TMEM248: variants seen among roughly 807,000 people sequenced by gnomAD.
TMEM248 encodes transmembrane protein 248.
In TMEM248, 9 loss-of-function variants were observed where a neutral mutation model predicts 30.3. That is an observed-to-expected ratio of 0.30 (90% CI 0.18 to 0.52). The LOEUF is 0.52. Ranked by LOEUF, TMEM248 falls within the 20% of genes least tolerant of loss-of-function variation. The pLI, the probability that TMEM248 is intolerant of heterozygous loss-of-function variation, is 0.97. For synonymous variants in TMEM248, 184 were observed against 154.4 expected (o/e 1.19, Z -1.42); for missense variants, 338 against 403.3 (o/e 0.84, Z 1.39).
Position 66,955,726 on chromosome 7 carries a change from G to A in TMEM248, c.*204G>A. 1.6e-6 allele frequency: 1 copy of A among 637,448 alleles called. No homozygotes were observed. Among genetic ancestry groups the A allele is most frequent in the Non-Finnish European group, 2.6e-6 (1 of 386,592 alleles). The allele number at this position is 637,448 out of a possible 1,614,324, so 39.5% of individuals were successfully genotyped here. ...ATTGGTCCAATAATGCACGTGCTTT[G>A]CCCTGGGTACAGCCAGAGCCCTTCA... On this transcript the variant is annotated 3_prime_UTR_variant, in exon 7 of 7. Coordinates refer to ENST00000341567, the MANE Select transcript of TMEM248 (RefSeq NM_017994.5).
chr7:66,929,454 T>TG (rs397890102), intron 1 of TMEM248, among the ~76,000 whole-genome samples: 58 of 140,250 alleles, frequency 4.1e-4, no homozygotes, highest in Admixed American at 1.4e-3. Context: ...TTTTTTTTTT[T>TG]GATACAGACT....
intron 1 of TMEM248, among the ~76,000 whole-genome samples, chr7:66,929,737 A>G (rs1791618789): frequency 6.6e-6 from 1 of 152,062 alleles, no homozygotes; most frequent in African/African-American, 2.4e-5. Flanking sequence ...TCAGACAACA[A>G]TTTAATTTGG....
Position 66,932,659 on chromosome 7 carries a change from C to T in TMEM248, c.-18-9189C>T, listed in dbSNP as rs1791698366. On this transcript the variant is annotated intron_variant, in intron 1 of 6. Transcript: ENST00000341567. The stretch of plus-strand genomic sequence containing the variant: ...GCCTCCCAATAGCTGGGATTACAGG[C>T]GCACGCTGCCACTCCCGGCTAATTT... Among the ~76,000 whole-genome samples, 5 of 147,564 alleles carry T rather than the reference C, an allele frequency of 3.4e-5. No homozygotes were observed. In the South Asian group the frequency reaches 6.4e-4, roughly 19 times the overall value.
chr7:66,941,120 C>T (rs531106706), intron 1 of TMEM248, among the ~76,000 whole-genome samples: 110 of 152,240 alleles, frequency 7.2e-4, no homozygotes, highest in Middle Eastern at 3.4e-3. Flanking sequence ...CGGTGGCTCA[C>T]GCCTGTAATC....
chr7:66,934,490 T>C (rs1317255994), intron 1 of TMEM248, among the ~76,000 whole-genome samples: 1 of 152,140 alleles, frequency 6.6e-6, no homozygotes, highest in African/African-American at 2.4e-5. Flanking sequence ...CGTGAACCAC[T>C]GCGCCCGGTC....
At chr7:66,950,608 C>T (rs1415895684) in intron 4 of TMEM248, among the ~76,000 whole-genome samples, 1 of 152,102 alleles carries the variant, frequency 6.6e-6, no homozygotes. Context: ...GACTAATATA[C>T]TAAGAGTTTA....
intron 1 of TMEM248, among the ~76,000 whole-genome samples, chr7:66,929,030 G>A (rs1791596552): frequency 6.6e-6 from 1 of 152,018 alleles, no homozygotes; most frequent in African/African-American, 2.4e-5. Context: ...TCAAGTGATC[G>A]GCTGGCCTCA....
chr7:66,956,119 T>G lies in TMEM248; in HGVS notation c.*597T>G, dbSNP rs1792397882. ...TTTTTTTGTTTTTTGTTTTCCTTTA[T>G]GAAGAAAAAATAAAATAGTCACATT... On this transcript the variant is annotated 3_prime_UTR_variant, in exon 7 of 7. Transcript: ENST00000341567. 1.3e-5 allele frequency: 2 copies of G among 152,616 alleles called. No homozygotes were observed. Among genetic ancestry groups the G allele is most frequent in the African/African-American group, 4.8e-5 (2 of 41,458 alleles). The allele number at this position is 152,616 out of a possible 1,614,324, so 9.5% of individuals were successfully genotyped here.
intron 1 of TMEM248, among the ~76,000 whole-genome samples, chr7:66,923,958 G>C (rs570530305): frequency 2.6e-5 from 4 of 152,202 alleles, no homozygotes; most frequent in African/African-American, 9.6e-5. Context: ...GAGCCACCAG[G>C]CCTGGCCTTT....
intron 1 of TMEM248, among the ~76,000 whole-genome samples, chr7:66,941,226 C>G (rs1791940523): frequency 6.6e-6 from 1 of 151,966 alleles, no homozygotes; most frequent in Non-Finnish European, 1.5e-5. Flanking sequence ...ACTAAAAATA[C>G]AAAAATTAGC....
intron 4 of TMEM248, among the ~76,000 whole-genome samples, chr7:66,949,648 A>T (rs1032589997): frequency 6.6e-4 from 101 of 152,324 alleles, no homozygotes; most frequent in African/African-American, 2.3e-3. Context: ...ATCATTTCCC[A>T]TTAAACAGTT....
chr7:66,926,216 C>T (rs112192147), intron 1 of TMEM248, among the ~76,000 whole-genome samples: 19 of 152,020 alleles, frequency 1.2e-4, no homozygotes, highest in Non-Finnish European at 2.5e-4. Context: ...TTTTTTAATC[C>T]CTAGGGATTT....
At chr7:66,924,832 C>T (rs549651409) in intron 1 of TMEM248, among the ~76,000 whole-genome samples, 31 of 152,140 alleles carry the variant, frequency 2.0e-4, no homozygotes, top group African/African-American at 6.3e-4. Context: ...GGCTCAGCCT[C>T]CCGTGTAGCT....
At chr7:66,925,703 T>TTTTTTG (rs1235772940) in intron 1 of TMEM248, among the ~76,000 whole-genome samples, 75 of 151,770 alleles carry the variant, frequency 4.9e-4, no homozygotes, top group African/African-American at 1.7e-3. Flanking sequence ...TCTTTTTTTT[T>TTTTTTG]TTTTTGGAGA....
In TMEM248 at chr7:66,950,463, T is replaced by G. The variant is rs1056775147; in HGVS notation, c.597-489T>G. ...TGCTGCCGCCATGTGAAGAAGGATG[T>G]GTTTGCTTCCACTTCCGCCATGCTT... On this transcript the variant is annotated intron_variant, in intron 4 of 6. Transcript: ENST00000341567. Among the ~76,000 whole-genome samples, 5 of 152,316 alleles carry G rather than the reference T, an allele frequency of 3.3e-5. No individual in the cohort carries two copies. In the East Asian group the frequency reaches 9.6e-4, roughly 29 times the overall value.
intron 1 of TMEM248, among the ~76,000 whole-genome samples, chr7:66,929,087 C>T (rs1437216496): frequency 6.6e-6 from 1 of 152,168 alleles, no homozygotes; most frequent in Non-Finnish European, 1.5e-5. Flanking sequence ...TGTGCCCTGC[C>T]AGATTGACTT....
rs1792421166 is a variant in TMEM248, at chr7:66,956,975, C to T, written c.*1453C>T. On this transcript the variant is annotated 3_prime_UTR_variant, in exon 7 of 7. Coordinates refer to ENST00000341567, the MANE Select transcript of TMEM248 (RefSeq NM_017994.5). ...CAGGCGTCAGCCACTGCTCTCGGCC[C>T]TCTTACACCATTTTGTTTGATTGTC... is the stretch of plus-strand genomic sequence containing the variant. 6.6e-6 allele frequency: 1 copy of T among 152,620 alleles called. No individual in the cohort carries two copies. Among genetic ancestry groups the T allele is most frequent in the African/African-American group, 2.4e-5 (1 of 41,464 alleles). 9.5% of individuals were successfully genotyped at this position (152,620 alleles called of 1,614,324 possible).
chr7:66,955,382 T>G (rs1792374983), intron 6 of TMEM248, 120 bp from the exon 7 acceptor site: 1 of 1,163,810 alleles, frequency 8.6e-7, no homozygotes, highest in Non-Finnish European at 1.2e-6. Flanking sequence ...TTTTAGGGAT[T>G]TAGTAACTTC....
chr7:66,951,178 A>G, intron 5 of TMEM248, 43 bp downstream of exon 5: 1 of 1,515,448 alleles, frequency 6.6e-7, no homozygotes, highest in Non-Finnish European at 8.9e-7. Flanking sequence ...GTGCATGCAT[A>G]TGCACATGTG....
Sources: allele counts gnomAD v4.1 joint callset (sites outside exome capture counted in the v4.1 genomes callset), GRCh38; gene constraint gnomAD v4.1.1; transcripts MANE v1.5; gene names NCBI Gene and HGNC (gene_info 2026-07-23, HGNC 2026-07-21).